Variants in DNAH14 observed in about 807,000 individuals in gnomAD.
DNAH14 encodes axonemal beta dynein heavy chain 14.
Under a neutral mutation model 520.9 loss-of-function variants are expected in DNAH14, and 478 were observed. That is an observed-to-expected ratio of 0.92 (90% CI 0.85 to 0.99). The LOEUF is 0.99. Ranked by LOEUF, DNAH14 falls within the 50% of genes least tolerant of loss-of-function variation. The pLI is 0.00. For synonymous variants in DNAH14, 1,581 were observed against 1,757.2 expected, an observed-to-expected ratio of 0.90 and a Z score of 2.51; for missense variants, 4,831 against 5,234.5, an observed-to-expected ratio of 0.92 and a Z score of 2.38.
intron 60 of DNAH14, among the ~76,000 whole-genome samples, chr1:225,311,845 T>C (rs955311847): frequency 2.0e-4 from 31 of 152,214 alleles, no homozygotes; most frequent in African/African-American, 7.0e-4. Context: ...TTGGTTACTG[T>C]AGCCTTGTAG....
Position 225,039,735 on chromosome 1 carries a change from G to A in DNAH14, c.1488+912G>A, listed in dbSNP as rs577701605. ...CTACTAAAAATACAAAAAATTAGCC[G>A]GGCGTAGTGGCGGGCGCCTGTAGTC... On this transcript the variant is annotated intron_variant, in intron 12 of 85. Transcript: ENST00000682510. 7.2e-3 allele frequency among the ~76,000 whole-genome samples: 1,076 copies of A among 149,980 alleles called. 5 individuals carry two copies. Among genetic ancestry groups the A allele is most frequent in the Middle Eastern group, 0.027 (8 of 294 alleles).
At chr1:224,975,776 T>G (rs202053434) in intron 8 of DNAH14, among the ~76,000 whole-genome samples, 1 of 151,254 alleles carries the variant, frequency 6.6e-6, no homozygotes, top group South Asian at 2.1e-4. Context: ...TAGCTTTTGA[T>G]TGTGTTTGCT....
intron 84 of DNAH14, among the ~76,000 whole-genome samples, chr1:225,393,286 C>T (rs556870644): frequency 1.3e-5 from 2 of 152,270 alleles, no homozygotes; most frequent in African/African-American, 4.8e-5. Flanking sequence ...TACCACTTAA[C>T]GATGGGGATA....
intron 41 of DNAH14, among the ~76,000 whole-genome samples, chr1:225,217,337 T>C (rs963476957): frequency 1.6e-4 from 24 of 152,310 alleles, no homozygotes; most frequent in African/African-American, 5.8e-4. Context: ...CCAGTTAGGC[T>C]CCTCAGGCAT....
intron 36 of DNAH14, among the ~76,000 whole-genome samples, chr1:225,173,558 A>T (rs2082951667): frequency 6.6e-6 from 1 of 152,224 alleles, no homozygotes; most frequent in South Asian, 2.1e-4. Context: ...AACCACAATG[A>T]GATACCATTT....
At chr1:225,222,649 G>A (rs1319242733) in intron 41 of DNAH14, among the ~76,000 whole-genome samples, 1 of 152,140 alleles carries the variant, frequency 6.6e-6, no homozygotes, top group African/African-American at 2.4e-5. Flanking sequence ...ACTGATTGGT[G>A]CATTTTTACA....
chr1:225,374,492 C>T (rs1236973776), intron 77 of DNAH14, among the ~76,000 whole-genome samples, 196 bp from the exon 78 acceptor site: 2 of 151,550 alleles, frequency 1.3e-5, no homozygotes, highest in South Asian at 2.1e-4. Context: ...AACTCCTGAC[C>T]TCAAATGATC....
intron 69 of DNAH14, among the ~76,000 whole-genome samples, chr1:225,343,064 T>G (rs1047850457): frequency 6.6e-6 from 1 of 152,198 alleles, no homozygotes; most frequent in African/African-American, 2.4e-5. Flanking sequence ...CGTTCCCACA[T>G]TGTAGTTACA....
At chr1:225,110,820 G>A (rs564101918) in intron 23 of DNAH14, among the ~76,000 whole-genome samples, 36 of 151,658 alleles carry the variant, frequency 2.4e-4, no homozygotes, top group South Asian at 4.2e-4. Context: ...CATAAGTTTT[G>A]GTATGTTGTG....
At chr1:225,237,619 G>T (rs1442648275) in intron 42 of DNAH14, among the ~76,000 whole-genome samples, 1 of 152,068 alleles carries the variant, frequency 6.6e-6, no homozygotes, top group East Asian at 1.9e-4. Flanking sequence ...ATCTTACTGG[G>T]TTTCTCTGCA....
intron 33 of DNAH14, among the ~76,000 whole-genome samples, 155 bp downstream of exon 33, chr1:225,153,038 C>T (rs1273784110): frequency 6.6e-6 from 1 of 152,138 alleles, no homozygotes; most frequent in African/African-American, 2.4e-5. Flanking sequence ...TTTCCATCAA[C>T]ATATAAAGTC....
intron 1 of DNAH14, among the ~76,000 whole-genome samples, chr1:224,950,402 T>G (rs1232524282): frequency 6.6e-6 from 1 of 152,254 alleles, no homozygotes; most frequent in Non-Finnish European, 1.5e-5. Flanking sequence ...AAAACTTGAC[T>G]CTGTATAAAA....
chr1:225,291,198 C>A (rs538419949), intron 55 of DNAH14, among the ~76,000 whole-genome samples: 2 of 152,224 alleles, frequency 1.3e-5, no homozygotes, highest in African/African-American at 2.4e-5. Flanking sequence ...GGATTTCATT[C>A]TCTTTTATGG....
chr1:224,937,316 A>G (rs916951756), intron 1 of DNAH14, among the ~76,000 whole-genome samples: 1 of 152,042 alleles, frequency 6.6e-6, no homozygotes. Context: ...TAAGGGCGCT[A>G]CCAAAAAAAC....
chr1:225,353,463 C>T (rs2095394128), intron 72 of DNAH14, among the ~76,000 whole-genome samples: 1 of 152,138 alleles, frequency 6.6e-6, no homozygotes, highest in South Asian at 2.1e-4. Context: ...AAAAACACCA[C>T]ATATACAGGA....
chr1:225,393,328 T>C (rs889668828), intron 84 of DNAH14, among the ~76,000 whole-genome samples: 4 of 152,196 alleles, frequency 2.6e-5, no homozygotes, highest in African/African-American at 4.8e-5. Flanking sequence ...AAGAGTGTAC[T>C]TCCACAAACC....
At chr1:224,996,360 T>C (rs2063395190) in intron 8 of DNAH14, among the ~76,000 whole-genome samples, 1 of 151,992 alleles carries the variant, frequency 6.6e-6, no homozygotes, top group Admixed American at 6.6e-5. Context: ...AGTGCCTCAC[T>C]GTGTTGCCCA....
At chr1:225,043,268 C>A (rs1256049767) in intron 13 of DNAH14, among the ~76,000 whole-genome samples, 154 bp downstream of exon 13, 3 of 65,674 alleles carry the variant, frequency 4.6e-5, no homozygotes, top group African/African-American at 1.6e-4. Flanking sequence ...TGTCTCTTGT[C>A]TCTTGGGGAA....
chr1:225,107,324 AC>A, intron 23 of DNAH14, among the ~76,000 whole-genome samples: 1 of 152,256 alleles, frequency 6.6e-6, no homozygotes, highest in Non-Finnish European at 1.5e-5. Context: ...GGGATCAGGG[AC>A]CCACTTGAGG....
Sources: allele counts gnomAD v4.1 joint callset (sites outside exome capture counted in the v4.1 genomes callset), GRCh38; gene constraint gnomAD v4.1.1; transcripts MANE v1.5; gene names NCBI Gene and HGNC (gene_info 2026-07-23, HGNC 2026-07-21).